Variants in PPP1R8 observed in about 807,000 individuals in gnomAD.
PPP1R8 encodes the protein nuclear inhibitor of protein phosphatase 1.
A neutral mutation model predicts 31.3 loss-of-function variants in PPP1R8; 4 were observed. The observed-to-expected ratio is 0.13, with a 90% confidence interval of 0.06 to 0.29. The LOEUF (loss-of-function observed/expected upper bound fraction) is 0.29, where lower values mean the gene tolerates loss of function less well. Among genes scored for constraint, PPP1R8 ranks in the 10% least tolerant of loss-of-function variants. PPP1R8 has a pLI of 1.00. For synonymous variants in PPP1R8, 170 were observed against 169.7 expected (o/e 1.00, Z -0.01); for missense variants, 254 against 440.1 (o/e 0.58, Z 3.78).
At position 27,850,082 on chromosome 1, in the gene PPP1R8, G is replaced by A. The variant is rs543602409; in HGVS notation, c.703-11G>A. 3.8e-4 allele frequency: 581 copies of A among 1,540,670 alleles called. 8 individuals are homozygous for A. The South Asian group carries it at 6.7e-3, about 18-fold the overall frequency. ...CTCCAATCTCTCCCCTCTCCTCATC[G>A]TGAACTGTAGAAGAAGCGTGTGGAG... On this transcript the variant is annotated splice_polypyrimidine_tract_variant and intron_variant, in intron 6 of 6. Coordinates refer to ENST00000311772, the MANE Select transcript of PPP1R8 (RefSeq NM_014110.5).
At chr1:27,844,980 G>A (rs1330072098) in intron 5 of PPP1R8, among the ~76,000 whole-genome samples, 4 of 126,900 alleles carry the variant, frequency 3.2e-5, no homozygotes, top group South Asian at 2.6e-4. Flanking sequence ...TGATCCGCCC[G>A]CCTCGGCCTC....
intron 6 of PPP1R8, among the ~76,000 whole-genome samples, chr1:27,848,266 G>T (rs1029369203): frequency 6.6e-6 from 1 of 152,092 alleles, no homozygotes; most frequent in Admixed American, 6.6e-5. Flanking sequence ...TTAGTTGGGC[G>T]TGGTGGTGGG....
chr1:27,837,556 A>T (rs1193240489), intron 2 of PPP1R8, among the ~76,000 whole-genome samples: 1 of 149,076 alleles, frequency 6.7e-6, no homozygotes, highest in Non-Finnish European at 1.5e-5. Flanking sequence ...TGAGGAGGGC[A>T]GATCACGAGG....
At chr1:27,833,464 T>A (rs1209240035) in intron 2 of PPP1R8, among the ~76,000 whole-genome samples, 2 of 152,182 alleles carry the variant, frequency 1.3e-5, no homozygotes, top group African/African-American at 4.8e-5. Context: ...CTATAAAAGT[T>A]TAGCAGAATT....
At position 27,832,808 on chromosome 1, in the gene PPP1R8, C is replaced by T. The variant is rs765347622; in HGVS notation, c.109C>T (p.Leu37=). The T allele has an allele frequency of 2.5e-6, 4 of 1,608,232 alleles. 1 individual carries two copies. The highest frequency in any genetic ancestry group is 1.6e-4 in the Middle Eastern group (1 of 6,070). ...TCTGGATGTAGTCAAAGGAGACAAA[C>T]TAATTGAGGTATGGAAATACATGTC... ...LHLDVVKGDK[L]IEKLIIDEKK... The change falls in exon 2 of 7, where the codon CTA becomes TTA. Residue 37 remains leucine (L), a synonymous_variant. Transcript: ENST00000311772.
chr1:27,839,867 T>G (rs1380957642), intron 3 of PPP1R8, among the ~76,000 whole-genome samples: 1 of 152,000 alleles, frequency 6.6e-6, no homozygotes, highest in Non-Finnish European at 1.5e-5. Context: ...AAGACCAGCA[T>G]GAGCAATGTA....
chr1:27,844,935 G>A (rs1217747090), intron 5 of PPP1R8, among the ~76,000 whole-genome samples: 3 of 108,148 alleles, frequency 2.8e-5, no homozygotes, highest in South Asian at 5.9e-4. Flanking sequence ...GGGTTTCACC[G>A]TGTTAGGCAG....
chr1:27,846,913 C>G, intron 5 of PPP1R8, 115 bp from the exon 6 acceptor site: 1 of 873,320 alleles, frequency 1.1e-6, no homozygotes, highest in Non-Finnish European at 1.9e-6. Flanking sequence ...GAAGCACTCT[C>G]TGTGTTTTAC....
Position 27,830,801 on chromosome 1 carries a change from C to A in PPP1R8, c.-35C>A. 6.4e-7 allele frequency: 1 copy of A among 1,562,786 alleles called. No individual in the cohort carries two copies. The highest frequency in any genetic ancestry group is 8.7e-7 in the Non-Finnish European group (1 of 1,154,472). On this transcript the variant is annotated 5_prime_UTR_variant, in exon 1 of 7. Coordinates refer to ENST00000311772, the MANE Select transcript of PPP1R8 (RefSeq NM_014110.5). ...CTCGGTCTTCCAGTTTCCCGGCGTG[C>A]TTAGGGCGCGCCAAATGGGAGGGGG...
chr1:27,830,979 G>T, intron 1 of PPP1R8, 88 bp downstream of exon 1: 1 of 1,453,858 alleles, frequency 6.9e-7, no homozygotes, highest in South Asian at 1.5e-5. Flanking sequence ...TTTCTGCTGC[G>T]AGCCGAACGG....
At position 27,847,008 on chromosome 1, in the gene PPP1R8, G is replaced by GC; in HGVS notation, c.638-17dup. 1 of 1,611,456 alleles carries GC rather than the reference G, an allele frequency of 6.2e-7. No individual in the cohort carries two copies. The highest frequency in any genetic ancestry group is 8.5e-7 in the Non-Finnish European group (1 of 1,177,634). ...CCCAGTAAAGTACCAACCCAACCCTGCCCTCTTCTCTTTTTGCAGAGGATG... is the reference window on the plus strand; with the variant it reads ...CCCAGTAAAGTACCAACCCAACCCTGCCCCTCTTCTCTTTTTGCAGAGGATG... On this transcript the variant is annotated intron_variant, in intron 5 of 6. Coordinates refer to ENST00000311772, the MANE Select transcript of PPP1R8 (RefSeq NM_014110.5).
chr1:27,845,933 G>C (rs983758164), intron 5 of PPP1R8, among the ~76,000 whole-genome samples: 1 of 151,536 alleles, frequency 6.6e-6, no homozygotes. Context: ...GGGACTACAG[G>C]TGCACGCCAC....
chr1:27,846,727 C>A (rs917962432), intron 5 of PPP1R8, among the ~76,000 whole-genome samples: 3 of 152,174 alleles, frequency 2.0e-5, no homozygotes, highest in East Asian at 3.8e-4. Flanking sequence ...GATCACAGGC[C>A]TGTTTTGAAC....
chr1:27,849,589 A>G (rs528838522), intron 6 of PPP1R8, among the ~76,000 whole-genome samples: 5 of 152,182 alleles, frequency 3.3e-5, no homozygotes, highest in Admixed American at 2.0e-4. Context: ...CTCTGCCTCA[A>G]GTGATTCTTG....
At chr1:27,834,591 G>A (rs2089144115) in intron 2 of PPP1R8, 1 of 511,972 alleles carries the variant, frequency 2.0e-6, no homozygotes. Flanking sequence ...GCCATAGCTA[G>A]TCAAGAAGCT....
chr1:27,839,335 C>G lies in PPP1R8; in HGVS notation c.271+483C>G, dbSNP rs182156435. 6.6e-3 allele frequency among the ~76,000 whole-genome samples: 1,002 copies of G among 151,872 alleles called. 6 individuals carry two copies. The highest frequency in any genetic ancestry group is 0.014 in the Middle Eastern group (4 of 294). On this transcript the variant is annotated intron_variant, in intron 3 of 6. Coordinates refer to ENST00000311772, the MANE Select transcript of PPP1R8 (RefSeq NM_014110.5). The stretch of plus-strand genomic sequence containing the variant: ...TTGAGGCCAGGAGTTTGAGACCAGC[C>G]TGGCCAATATGGTGAAACCTCGCCT...
At chr1:27,848,948 G>C (rs1323599218) in intron 6 of PPP1R8, among the ~76,000 whole-genome samples, 2 of 152,184 alleles carry the variant, frequency 1.3e-5, no homozygotes, top group Admixed American at 6.5e-5. Flanking sequence ...CCATAATCAA[G>C]ATAGAGAAGA....
chr1:27,847,238 G>A (rs1372977279), intron 6 of PPP1R8, 146 bp downstream of exon 6: 1 of 767,448 alleles, frequency 1.3e-6, no homozygotes, highest in African/African-American at 1.7e-5. Context: ...CAGGCACAGT[G>A]GCTCACACTT....
intron 1 of PPP1R8, among the ~76,000 whole-genome samples, chr1:27,832,044 G>T (rs976962244): frequency 2.0e-5 from 3 of 152,290 alleles, no homozygotes; most frequent in Non-Finnish European, 4.4e-5. Context: ...GGCCGAGATA[G>T]CAAACATAGT....
Sources: gnomAD v4.1 joint callset for allele counts (sites outside exome capture counted in the v4.1 genomes callset) on GRCh38, gnomAD v4.1.1 for gene constraint, MANE v1.5 for transcripts, NCBI Gene and HGNC (gene_info 2026-07-23, HGNC 2026-07-21) for gene names.